MSLN: variants seen among roughly 807,000 people sequenced by gnomAD.
The protein encoded by MSLN is mesothelin, also known as CAK1 antigen.
In MSLN, 82 loss-of-function variants were observed where a neutral mutation model predicts 72.6. That is an observed-to-expected ratio of 1.13 (90% CI 0.94 to 1.36). The LOEUF (loss-of-function observed/expected upper bound fraction) is 1.36. Among genes scored for constraint, MSLN ranks in the 40% most tolerant of loss-of-function variants. The pLI is 0.00. For missense variants in MSLN, 1,005 were observed against 847.9 expected (o/e 1.19, Z -2.30); for synonymous variants, 456 against 387.3 (o/e 1.18, Z -2.08).
At chr16:765,640 G>A (rs367558776) in intron 10 of MSLN, 23 bp downstream of exon 10, 136 of 1,598,106 alleles carry the variant, frequency 8.5e-5, no homozygotes, top group Admixed American at 2.3e-4. Flanking sequence ...TCCCCAGCCC[G>A]TGGGGATGCC....
rs779766295 is a variant in MSLN, at chr16:763,648, G to A, written c.136G>A (p.Ala46Thr). Residue 46 changes from alanine (A) to threonine (T), a missense_variant, in exon 5 of 18, where the codon GCG (alanine) becomes ACG (threonine). Ala to Thr is a moderately conservative substitution (Grantham distance 58). Coordinates refer to ENST00000545450, the MANE Select transcript of MSLN (RefSeq NM_005823.6). ...TLAGETGQEA[A>T]PLDGVLANPP... The stretch of plus-strand genomic sequence containing the variant: ...GCAGGCCCTGTGTCCCCAGGAGGCT[G>A]CGCCCCTGGACGGAGTCCTGGCCAA... 3 of 1,600,410 alleles carry A rather than the reference G, an allele frequency of 1.9e-6. No individual in the cohort carries two copies. Among genetic ancestry groups the A allele is most frequent in the Admixed American group, 3.4e-5 (2 of 59,084 alleles).
At position 767,509 on chromosome 16, in the gene MSLN, C is replaced by G. The variant is rs377089071; in HGVS notation, c.1596+39C>G. On this transcript the variant is annotated intron_variant, in intron 16 of 17. Coordinates refer to ENST00000545450, the MANE Select transcript of MSLN (RefSeq NM_005823.6). The stretch of plus-strand genomic sequence containing the variant: ...GAGGAGGGGCGTGTGGAGGAGGGGC[C>G]CGTGGAGGAGGGGCGAGTGGGAGGA... The G allele has an allele frequency of 3.8e-3, 3,891 of 1,012,232 alleles. 25 individuals are homozygous for G. Among genetic ancestry groups the G allele is most frequent in the East Asian group, 4.8e-3 (96 of 19,938 alleles). The allele number at this position is 1,012,232 out of a possible 1,614,324, so 62.7% of individuals were successfully genotyped here.
intron 3 of MSLN, 54 bp downstream of exon 3, chr16:762,819 G>A (rs2041553392): frequency 1.4e-6 from 2 of 1,420,034 alleles, no homozygotes; most frequent in Non-Finnish European, 1.9e-6. Flanking sequence ...GGGCCTTGGG[G>A]GCCAGGCCCC....
chr16:764,233 C>A, intron 6 of MSLN, 90 bp downstream of exon 6: 1 of 1,471,232 alleles, frequency 6.8e-7, no homozygotes. Context: ...CCACCACGGT[C>A]CCCTCTGTCC....
rs1458993776 is a variant in MSLN at position 768,503 on chromosome 16, T to C, written c.1721T>C (p.Leu574Pro). The C allele has an allele frequency of 6.3e-7, 1 of 1,591,154 alleles. No individual in the cohort carries two copies. Among genetic ancestry groups the C allele is most frequent in the African/African-American group, 1.3e-5 (1 of 74,396 alleles). The change falls in exon 17 of 18, where the codon CTG becomes CCG. Residue 574 changes from leucine (L) to proline (P), a missense_variant. Physicochemically the swap from Leu to Pro is moderately conservative, Grantham distance 98. Coordinates refer to ENST00000545450, the MANE Select transcript of MSLN (RefSeq NM_005823.6). ...LRQRQDDLDT[L>P]GLGLQGGIPN... ...CAGCGGCAGGACGACCTGGACACGC[T>C]GGGGCTGGGGCTACAGGGCGGCATC...
At chr16:764,503 C>T in intron 6 of MSLN, 144 bp from the exon 7 acceptor site, 1 of 811,294 alleles carries the variant, frequency 1.2e-6, no homozygotes. Flanking sequence ...CAGGGCAGCG[C>T]TGCAGGCGGC....
chr16:767,232 T>TCAGGCGGC, intron 15 of MSLN, 144 bp from the exon 16 acceptor site: 1 of 1,086,452 alleles, frequency 9.2e-7, no homozygotes, highest in Non-Finnish European at 1.4e-6. Context: ...CGCCTGGGGG[T>TCAGGCGGC]CAGGCGGCTA....
intron 6 of MSLN, 55 bp from the exon 7 acceptor site, chr16:764,592 C>T (rs1426821294): frequency 3.4e-6 from 5 of 1,470,890 alleles, no homozygotes; most frequent in Non-Finnish European, 4.8e-6. Context: ...CGACCCTGGC[C>T]CACCATGTGA....
rs548280943 is a variant in MSLN at position 762,709 on chromosome 16, T to A, written c.29T>A (p.Leu10Ter). 6.2e-7 allele frequency: 1 copy of A among 1,609,546 alleles called. No homozygotes were observed. The highest frequency in any genetic ancestry group is 2.2e-5 in the East Asian group (1 of 44,726). Residue 10 changes from leucine (L) to a stop codon, truncating the protein, a stop_gained, in exon 3 of 18, where the codon TTG becomes TAG. Transcript: ENST00000545450. LOFTEE classifies it high-confidence loss of function. ...GCCTTGCCAACGGCTCGACCCCTGT[T>A]GGGGTCCTGTGGGACCCCCGCCCTC... MALPTARPL[L>*]GSCGTPALGS...
rs1354270315 is a variant in MSLN, at chr16:764,123, G to A, written c.280G>A (p.Val94Ile). The change falls in exon 6 of 18, where the codon GTC (valine) becomes ATC (isoleucine). Residue 94 changes from valine (V) to isoleucine (I), a missense_variant. By Grantham distance (29) the Val-to-Ile change is conservative (BLOSUM62 3). Coordinates refer to ENST00000545450, the MANE Select transcript of MSLN (RefSeq NM_005823.6). ...ELAVALAQKNVKLSTEQLRCL... is the reference protein window; with the variant it reads ...ELAVALAQKNIKLSTEQLRCL... ...GGCTGTGGCCTTGGCACAGAAGAAT[G>A]TCAAGCTCTCAACAGAGCAGGTCAG... 1 of 1,605,462 alleles carries A rather than the reference G, an allele frequency of 6.2e-7. No individual in the cohort carries two copies.
rs765504641 is a variant in MSLN, at chr16:766,175, C to T, written c.1012C>T (p.Arg338Cys). The T allele has an allele frequency of 2.0e-5, 33 of 1,612,540 alleles. No homozygotes were observed. Among genetic ancestry groups the T allele is most frequent in the South Asian group, 9.9e-5 (9 of 91,092 alleles). ...DAALLATQMD[R>C]VNAIPFTYEQ... Reference sequence around the variant, plus strand: ...GGCCCTGCTGGCCACCCAGATGGACCGCGTGAACGCCATCCCCTTCACCTA... The same window carrying T: ...GGCCCTGCTGGCCACCCAGATGGACTGCGTGAACGCCATCCCCTTCACCTA... Residue 338 changes from arginine to cysteine, a missense_variant, in exon 12 of 18, where the codon CGC (arginine) becomes TGC (cysteine). Coordinates refer to ENST00000545450, the MANE Select transcript of MSLN (RefSeq NM_005823.6).
At chr16:768,342 G>A in intron 16 of MSLN, 37 bp from the exon 17 acceptor site, 1 of 1,497,392 alleles carries the variant, frequency 6.7e-7, no homozygotes, top group Non-Finnish European at 8.9e-7. Context: ...CTGAGGGAAG[G>A]AGACCCTCCT....
chr16:763,718 A>C, intron 5 of MSLN, 27 bp downstream of exon 5: 1 of 1,095,584 alleles, frequency 9.1e-7, no homozygotes, highest in Non-Finnish European at 1.1e-6. Flanking sequence ...CACAGTCCTC[A>C]AGGGTGAGGC....
At position 765,155 on chromosome 16, in the gene MSLN, G is replaced by T; in HGVS notation, c.556G>T (p.Gly186Ter). Residue 186 changes from glycine (G) to a stop codon, truncating the protein, a stop_gained, in exon 9 of 18, where the codon GGA (glycine) becomes TGA (stop). Coordinates refer to ENST00000545450, the MANE Select transcript of MSLN (RefSeq NM_005823.6). LOFTEE classifies it high-confidence loss of function. ...LLSEADVRALGGLACDLPGRF... is the reference protein window; with the variant it reads ...LLSEADVRAL ...GAGCGAGGCTGATGTGCGGGCTCTG[G>T]GAGGCCTGGCTTGCGACCTGCCTGG... The T allele has an allele frequency of 6.2e-7, 1 of 1,603,360 alleles. No homozygotes were observed.
At chr16:765,642 G>C in intron 10 of MSLN, 25 bp downstream of exon 10, 1 of 1,598,316 alleles carries the variant, frequency 6.3e-7, no homozygotes, top group Non-Finnish European at 8.5e-7. Flanking sequence ...CCCAGCCCGT[G>C]GGGATGCCCG....
intron 4 of MSLN, 37 bp downstream of exon 4, chr16:763,313 A>C: frequency 6.7e-7 from 1 of 1,484,804 alleles, no homozygotes; most frequent in Non-Finnish European, 9.1e-7. Flanking sequence ...GAGGGTCTTC[A>C]GGTCCCAGGT....
chr16:766,266 C>T (rs908408590), intron 12 of MSLN, 29 bp downstream of exon 12: 3 of 1,608,744 alleles, frequency 1.9e-6, no homozygotes, highest in Non-Finnish European at 2.5e-6. Flanking sequence ...TCCCACCGGC[C>T]TGCTGTGTCC....
chr16:763,679 C>T lies in MSLN; in HGVS notation c.167C>T (p.Pro56Leu), dbSNP rs1458791395. ...APLDGVLANP[P>L]NISSLSPRQL... The stretch of plus-strand genomic sequence containing the variant: ...CTGGACGGAGTCCTGGCCAACCCAC[C>T]TAACATTTCCAGGTGGGTCTGGGGT... Residue 56 changes from proline (P) to leucine (L), a missense_variant, in exon 5 of 18, where the codon CCT becomes CTT. Pro to Leu is a moderately conservative substitution (Grantham distance 98). Coordinates refer to ENST00000545450, the MANE Select transcript of MSLN (RefSeq NM_005823.6). 21 of 1,603,396 alleles carry T rather than the reference C, an allele frequency of 1.3e-5. No homozygotes were observed. The South Asian group carries it at 2.0e-4, about 15-fold the overall frequency.
Position 766,804 on chromosome 16 carries a change from G to A in MSLN, c.1367G>A (p.Ser456Asn), listed in dbSNP as rs770634404. 3 of 1,612,446 alleles carry A rather than the reference G, an allele frequency of 1.9e-6. No homozygotes were observed. Among genetic ancestry groups the A allele is most frequent in the Admixed American group, 1.7e-5 (1 of 60,016 alleles). The change falls in exon 14 of 18, where the codon AGC becomes AAC. Residue 456 changes from serine (S) to asparagine (N), a missense_variant. Transcript: ENST00000545450. ...GAGCTGAGCTCCGTGCCCCCCAGCA[G>A]CATCTGGTGAGTCCCCAGAACTCTG... Reference protein sequence around the residue: ...PEELSSVPPSSIWAVRPQDLD... With the variant: ...PEELSSVPPSNIWAVRPQDLD...
Sources: allele counts gnomAD v4.1 joint callset, GRCh38; gene constraint gnomAD v4.1.1; transcripts MANE v1.5; gene names NCBI Gene and HGNC (gene_info 2026-07-23, HGNC 2026-07-21).